The following PHLPP1 variants were observed in gnomAD, a reference collection of about 807,000 sequenced individuals.
PHLPP1 encodes the protein PH domain leucine-rich repeat-containing protein phosphatase 1.
A neutral mutation model predicts 117.2 loss-of-function variants in PHLPP1; 42 were observed. The ratio of observed to expected loss-of-function variants is 0.36; its 90% CI spans 0.28 to 0.46. PHLPP1 has a LOEUF of 0.46. Among genes scored for constraint, PHLPP1 ranks in the 20% least tolerant of loss-of-function variants. The probability of loss-of-function intolerance (pLI) is 1.00; values close to 1 mark genes in which losing one functional copy is unlikely to be tolerated. For synonymous variants in PHLPP1, 1,042 were observed against 970.7 expected, an observed-to-expected ratio of 1.07 and a Z score of -1.37; for missense variants, 2,084 against 2,241.9, an observed-to-expected ratio of 0.93 and a Z score of 1.42.
chr18:62,762,697 A>G (rs1912292555), intron 1 of PHLPP1, among the ~76,000 whole-genome samples: 2 of 152,096 alleles, frequency 1.3e-5, no homozygotes, highest in South Asian at 4.1e-4. Flanking sequence ...TACAAGTGTG[A>G]GCCACCATGC....
At chr18:62,970,625 C>T (rs571290427) in intron 14 of PHLPP1, among the ~76,000 whole-genome samples, 1 of 152,134 alleles carries the variant, frequency 6.6e-6, no homozygotes, top group East Asian at 1.9e-4. Flanking sequence ...ATTAGCTGGG[C>T]GTGGTGGCGG....
intron 14 of PHLPP1, among the ~76,000 whole-genome samples, chr18:62,971,976 C>T (rs548102364): frequency 3.7e-4 from 56 of 151,214 alleles, no homozygotes; most frequent in Non-Finnish European, 6.6e-4. Flanking sequence ...GTGGAGACTG[C>T]AGTGAGCCGA....
chr18:62,870,621 A>C (rs1203220209), intron 4 of PHLPP1, among the ~76,000 whole-genome samples: 1 of 152,382 alleles, frequency 6.6e-6, no homozygotes, highest in Admixed American at 6.5e-5. Flanking sequence ...AGGACAAATA[A>C]CCAGGGAGAA....
chr18:62,743,292 C>CT (rs71340110), intron 1 of PHLPP1, among the ~76,000 whole-genome samples: 5,556 of 143,090 alleles, frequency 0.039, 128 homozygotes, highest in Middle Eastern at 0.068. Context: ...TTAAAAACAG[C>CT]TTTTTTTTTT....
chr18:62,748,101 A>G lies in PHLPP1; in HGVS notation c.1576+30842A>G, dbSNP rs1211519060. On this transcript the variant is annotated intron_variant, in intron 1 of 16. Transcript: ENST00000262719. ...TTGTTAAGTATTTCATTCATCTTCT[A>G]TAGTTTTACTACTCAACTATTCACA... 3.3e-5 allele frequency among the ~76,000 whole-genome samples: 5 copies of G among 152,304 alleles called. No individual in the cohort carries two copies. In the South Asian group the frequency reaches 8.3e-4, roughly 25 times the overall value.
chr18:62,828,380 G>C (rs1363538164), intron 1 of PHLPP1, among the ~76,000 whole-genome samples: 2 of 152,102 alleles, frequency 1.3e-5, no homozygotes, highest in African/African-American at 4.8e-5. Flanking sequence ...CTACTCATTT[G>C]TGGGAAAACT....
Position 62,826,856 on chromosome 18 carries a change from C to T in PHLPP1, c.1577-3179C>T, listed in dbSNP as rs139603773. Reference sequence around the variant, plus strand: ...CTCTATTAAAAATACAAAAATTAGCCGGGCATGGTGGCACACGTCTGTAGT... The same window carrying T: ...CTCTATTAAAAATACAAAAATTAGCTGGGCATGGTGGCACACGTCTGTAGT... On this transcript the variant is annotated intron_variant, in intron 1 of 16. Transcript: ENST00000262719. 5.4e-3 allele frequency among the ~76,000 whole-genome samples: 819 copies of T among 151,948 alleles called. 4 individuals carry two copies. Among genetic ancestry groups the T allele is most frequent in the Non-Finnish European group, 8.7e-3 (593 of 67,946 alleles).
intron 5 of PHLPP1, 78 bp downstream of exon 5, chr18:62,895,235 T>G (rs1366382065): frequency 2.1e-6 from 3 of 1,434,568 alleles, no homozygotes; most frequent in Non-Finnish European, 2.9e-6. Context: ...CACATGAGAT[T>G]AGTTAACTTG....
At chr18:62,832,481 A>G (rs1014491849) in intron 2 of PHLPP1, among the ~76,000 whole-genome samples, 25 of 152,230 alleles carry the variant, frequency 1.6e-4, no homozygotes, top group Admixed American at 9.2e-4. Context: ...AGGTCAGCAG[A>G]TCCGGTTATA....
At chr18:62,741,505 A>G (rs1911526275) in intron 1 of PHLPP1, among the ~76,000 whole-genome samples, 1 of 152,136 alleles carries the variant, frequency 6.6e-6, no homozygotes, top group African/African-American at 2.4e-5. Flanking sequence ...ACAAGGACGC[A>G]GATTATCATA....
chr18:62,739,740 G>A (rs1911468906), intron 1 of PHLPP1, among the ~76,000 whole-genome samples: 1 of 152,054 alleles, frequency 6.6e-6, no homozygotes, highest in African/African-American at 2.4e-5. Flanking sequence ...GTTTCCATAA[G>A]GCTTTTAGGA....
chr18:62,932,501 G>C (rs559062106), intron 10 of PHLPP1, among the ~76,000 whole-genome samples: 1 of 152,154 alleles, frequency 6.6e-6, no homozygotes, highest in African/African-American at 2.4e-5. Flanking sequence ...CACATAAACA[G>C]AATTAAAAAC....
At position 62,978,446 on chromosome 18, in the gene PHLPP1, G is replaced by T. The variant is rs554336811; in HGVS notation, c.4169G>T (p.Arg1390Leu). The T allele has an allele frequency of 6.8e-6, 11 of 1,611,154 alleles. No individual in the cohort carries two copies. Among genetic ancestry groups the T allele is most frequent in the Admixed American group, 1.7e-5 (1 of 59,586 alleles). ...GTCGAGGAGGCCGTGGAAGCCGTGC[G>T]CAACGTGCCCGATGCCCTGGCTGCT... Reference protein sequence around the residue: ...LSVEEAVEAVRNVPDALAAAK... With the variant: ...LSVEEAVEAVLNVPDALAAAK... Residue 1390 changes from arginine to leucine, a missense_variant, in exon 17 of 17, where the codon CGC (arginine) becomes CTC (leucine). Around this residue, in one of 2 missense-constraint regions of PHLPP1, gnomAD observed 1,365 missense variants for 1,605.9 expected, o/e 0.85. Transcript: ENST00000262719. This position sits in a 1 kb window ranked among gnomAD's most constrained non-coding sequence, Gnocchi z 7.0.
intron 1 of PHLPP1, among the ~76,000 whole-genome samples, chr18:62,795,504 A>C (rs994161633): frequency 1.3e-5 from 2 of 151,572 alleles, no homozygotes; most frequent in Admixed American, 6.6e-5. Flanking sequence ...AAAAAAAAAA[A>C]AAAAAAAAAC....
chr18:62,767,615 T>G (rs1912591722), intron 1 of PHLPP1, among the ~76,000 whole-genome samples: 1 of 152,222 alleles, frequency 6.6e-6, no homozygotes, highest in Admixed American at 6.5e-5. Context: ...TAATGACTCA[T>G]AAGAATTACT....
intron 4 of PHLPP1, among the ~76,000 whole-genome samples, chr18:62,888,287 ATGTGTGTG>A (rs200659921): frequency 0.025 from 3,266 of 130,880 alleles, 67 homozygotes; most frequent in African/African-American, 0.038. Flanking sequence ...ATTTCACAAA[ATGTGTGTG>A]TGTGTGTGTG....
intron 1 of PHLPP1, among the ~76,000 whole-genome samples, chr18:62,756,398 C>T (rs1435998936): frequency 1.3e-5 from 2 of 152,174 alleles, no homozygotes; most frequent in Admixed American, 6.5e-5. Flanking sequence ...AGCATGCCAT[C>T]GTCTGCAAGT....
intron 10 of PHLPP1, among the ~76,000 whole-genome samples, chr18:62,937,841 G>A (rs780591354): frequency 2.0e-5 from 3 of 152,004 alleles, no homozygotes; most frequent in Admixed American, 1.3e-4. Context: ...GTGAAACCCT[G>A]TCTCTGCTAA....
intron 4 of PHLPP1, among the ~76,000 whole-genome samples, chr18:62,880,560 A>G (rs891634897): frequency 6.6e-6 from 1 of 152,076 alleles, no homozygotes; most frequent in African/African-American, 2.4e-5. Flanking sequence ...TGTGGCGGTT[A>G]ATATTAAACA....
Sources: allele counts gnomAD v4.1 joint callset (sites outside exome capture counted in the v4.1 genomes callset), GRCh38; gene constraint gnomAD v4.1.1; regional missense constraint gnomAD v4.1.1; non-coding constraint Gnocchi (gnomAD v3.1); transcripts MANE v1.5; gene names NCBI Gene and HGNC (gene_info 2026-07-23, HGNC 2026-07-21).